Variants in RNF150 observed in about 807,000 individuals in gnomAD.
RNF150 encodes ring finger protein 150.
A neutral mutation model predicts 39.3 loss-of-function variants in RNF150; 24 were observed. That is an observed-to-expected ratio of 0.61 (90% CI 0.44 to 0.86). The LOEUF (loss-of-function observed/expected upper bound fraction) is 0.86. Ranked by LOEUF, RNF150 falls within the 40% of genes least tolerant of loss-of-function variation. The pLI is 0.00. For missense variants in RNF150, 502 were observed against 587.8 expected, an observed-to-expected ratio of 0.85 and a Z score of 1.51; for synonymous variants, 255 against 227.3, an observed-to-expected ratio of 1.12 and a Z score of -1.10.
chr4:141,004,460 G>A (rs1049183176), intron 1 of RNF150, among the ~76,000 whole-genome samples: 1 of 151,970 alleles, frequency 6.6e-6, no homozygotes, highest in Admixed American at 6.6e-5. Context: ...TGAAGAGGCA[G>A]GAAATTATAA....
At position 140,915,805 on chromosome 4, in the gene RNF150, C is replaced by T. The variant is rs574328592; in HGVS notation, c.988-4451G>A. Among the ~76,000 whole-genome samples, 12 of 152,282 alleles carry T rather than the reference C, an allele frequency of 7.9e-5. No individual in the cohort carries two copies. In the South Asian group the frequency reaches 1.5e-3, roughly 18 times the overall value. On this transcript the variant is annotated intron_variant, in intron 5 of 6. Transcript: ENST00000515673. ...AATGGGAGGCACCCCCCAGTAGGGG[C>T]GGACTGACACCTCACACGGCCGGGT...
intron 1 of RNF150, among the ~76,000 whole-genome samples, chr4:141,127,482 A>G (rs1461209346): frequency 6.6e-6 from 1 of 152,230 alleles, no homozygotes; most frequent in African/African-American, 2.4e-5. Flanking sequence ...TCCTTTACAG[A>G]GTTTAAGGCA....
At chr4:141,031,503 T>C (rs993116403) in intron 1 of RNF150, among the ~76,000 whole-genome samples, 3 of 152,156 alleles carry the variant, frequency 2.0e-5, no homozygotes, top group African/African-American at 7.2e-5. Flanking sequence ...ACTATACATC[T>C]GATAAAGAGT....
intron 1 of RNF150, among the ~76,000 whole-genome samples, chr4:140,988,646 AC>A (rs1239751097): frequency 8.5e-5 from 5 of 58,676 alleles, no homozygotes; most frequent in Non-Finnish European, 1.5e-4. Context: ...CCTTCCCCCC[AC>A]CCCAAGTATA....
chr4:140,969,846 C>T (rs185948371), intron 1 of RNF150, among the ~76,000 whole-genome samples: 1 of 147,700 alleles, frequency 6.8e-6, no homozygotes, highest in East Asian at 2.0e-4. Context: ...ACTGCAACCT[C>T]TGCCTCCCAG....
chr4:141,142,552 G>A (rs1330374680), intron 1 of RNF150, among the ~76,000 whole-genome samples: 4 of 152,100 alleles, frequency 2.6e-5, no homozygotes, highest in African/African-American at 7.2e-5. Context: ...ACTCTCTTCC[G>A]TCCTTTACCC....
intron 1 of RNF150, among the ~76,000 whole-genome samples, chr4:141,177,278 T>C (rs1349567851): frequency 6.6e-6 from 1 of 152,000 alleles, no homozygotes; most frequent in Admixed American, 6.6e-5. Context: ...AATATAGAGA[T>C]GGGAAAGTCT....
At position 140,966,212 on chromosome 4, in the gene RNF150, T is replaced by C. The variant is rs184472685; in HGVS notation, c.735+1411A>G. On this transcript the variant is annotated intron_variant, in intron 2 of 6. Coordinates refer to ENST00000515673, the MANE Select transcript of RNF150 (RefSeq NM_020724.2). ...AAAATTAGCCAGGTGTGGTGGTGTATGCCTGTAATCCTAGCTACTTGGGAG... is the reference window on the plus strand; with the variant it reads ...AAAATTAGCCAGGTGTGGTGGTGTACGCCTGTAATCCTAGCTACTTGGGAG... 5.3e-5 allele frequency among the ~76,000 whole-genome samples: 8 copies of C among 152,060 alleles called. No homozygotes were observed. The East Asian group carries it at 1.6e-3, about 29-fold the overall frequency.
At chr4:141,212,195 CA>C (rs1560779892) in intron 1 of RNF150, among the ~76,000 whole-genome samples, 1 of 152,124 alleles carries the variant, frequency 6.6e-6, no homozygotes, top group African/African-American at 2.4e-5. Context: ...AAACCATGAG[CA>C]GGGGGCTGTG....
chr4:140,878,528 T>G (rs1560944588), intron 6 of RNF150, among the ~76,000 whole-genome samples: 1 of 152,202 alleles, frequency 6.6e-6, no homozygotes, highest in Non-Finnish European at 1.5e-5. Flanking sequence ...AGTATCTTTT[T>G]TATGCTTGTT....
intron 6 of RNF150, among the ~76,000 whole-genome samples, chr4:140,876,871 G>T (rs1341952429): frequency 1.3e-5 from 2 of 152,220 alleles, no homozygotes; most frequent in African/African-American, 4.8e-5. Context: ...GTGACTTCTA[G>T]AATTGTTCAG....
At chr4:141,164,148 G>A (rs1034947279) in intron 1 of RNF150, among the ~76,000 whole-genome samples, 12 of 151,424 alleles carry the variant, frequency 7.9e-5, no homozygotes, top group East Asian at 3.9e-4. Context: ...TGAGAACTTC[G>A]TGAAGCATAC....
chr4:140,876,154 CCTT>C (rs1371700830), intron 6 of RNF150, among the ~76,000 whole-genome samples: 2 of 152,178 alleles, frequency 1.3e-5, no homozygotes, highest in Non-Finnish European at 2.9e-5. Flanking sequence ...AAAATGGCAT[CCTT>C]CTGTCCACTG....
At chr4:141,106,791 T>C (rs1380383365) in intron 1 of RNF150, among the ~76,000 whole-genome samples, 1 of 151,740 alleles carries the variant, frequency 6.6e-6, no homozygotes, top group Non-Finnish European at 1.5e-5. Context: ...CGAAATTCCA[T>C]CTCAAAAAAA....
chr4:141,180,892 A>G (rs1241469492), intron 1 of RNF150, among the ~76,000 whole-genome samples: 1 of 152,142 alleles, frequency 6.6e-6, no homozygotes, highest in Non-Finnish European at 1.5e-5. Context: ...ACCAGGTTAC[A>G]GTATTTTTGT....
At position 141,040,827 on chromosome 4, in the gene RNF150, G is replaced by T. The variant is rs1272676011; in HGVS notation, c.485-72954C>A. ...AAACATAATATGCACATTTATATAT[G>T]CAGCATTAATTTTAAAATGTCTATA... is the stretch of plus-strand genomic sequence containing the variant. On this transcript the variant is annotated intron_variant, in intron 1 of 6. Transcript: ENST00000515673. Among the ~76,000 whole-genome samples, 3 of 152,094 alleles carry T rather than the reference G, an allele frequency of 2.0e-5. No homozygotes were observed. The East Asian group carries it at 5.8e-4, about 29-fold the overall frequency.
At chr4:141,172,646 A>G (rs1184520472) in intron 1 of RNF150, among the ~76,000 whole-genome samples, 1 of 152,180 alleles carries the variant, frequency 6.6e-6, no homozygotes, top group African/African-American at 2.4e-5. Flanking sequence ...CTGAACTTCC[A>G]GAGTTGGAGA....
chr4:140,907,745 G>A (rs1467700849), intron 6 of RNF150, among the ~76,000 whole-genome samples: 7 of 152,288 alleles, frequency 4.6e-5, no homozygotes, highest in Non-Finnish European at 1.0e-4. Context: ...TGGGGCTGGT[G>A]GCCCAGTGAG....
rs3081645 is a variant in RNF150, at chr4:141,156,734, TAAAAAA to T, written c.-6+56054_-6+56059del. 4.1e-5 allele frequency among the ~76,000 whole-genome samples: 4 copies of T among 96,634 alleles called. No homozygotes were observed. In the Admixed American group the frequency reaches 4.9e-4, roughly 12 times the overall value. The allele number at this position is 96,634 out of a possible 152,430, so 63.4% of individuals were successfully genotyped here. On this transcript the variant is annotated intron_variant, in intron 1 of 7. Transcript: ENST00000420921. ...TATGGCAAAACCCTGTCTCTACTAC[TAAAAAA>T]AAAAAAAAAAAAAAAAATTAACCAG...
Sources: gnomAD v4.1 joint callset for allele counts (sites outside exome capture counted in the v4.1 genomes callset) on GRCh38, gnomAD v4.1.1 for gene constraint, MANE v1.5 for transcripts, NCBI Gene and HGNC (gene_info 2026-07-23, HGNC 2026-07-21) for gene names.